Variants in CCDC73 observed in about 807,000 individuals in gnomAD.
CCDC73 encodes coiled-coil domain containing 73, also known as coiled-coil domain-containing protein 73.
CCDC73 carries 95 observed loss-of-function variants against 116.5 expected under a neutral mutation model. The ratio of observed to expected loss-of-function variants is 0.82; its 90% confidence interval spans 0.69 to 0.97. The LOEUF (loss-of-function observed/expected upper bound fraction) is 0.97, where lower values mean the gene tolerates loss of function less well. CCDC73 is among the 50% of genes least tolerant of loss of function. CCDC73 has a pLI of 0.00. For synonymous variants in CCDC73, 398 were observed against 401.3 expected (o/e 0.99, Z 0.10); for missense variants, 1,066 against 1,206.8 (o/e 0.88, Z 1.73).
intron 2 of CCDC73, among the ~76,000 whole-genome samples, chr11:32,741,543 A>C (rs1850186561): frequency 6.6e-6 from 1 of 151,390 alleles, no homozygotes; most frequent in African/African-American, 2.4e-5. Context: ...TATCTTTTTC[A>C]TCCCTTTATT....
In CCDC73 at chr11:32,693,354, G is replaced by C. The variant is rs150323197; in HGVS notation, c.390+5897C>G. ...ATTTAAGTTTCAACTTGGGGGGTTG[G>C]GAGAAATCACAAGTATCTTCATTGC... On this transcript the variant is annotated intron_variant, in intron 6 of 17. Coordinates refer to ENST00000335185, the MANE Select transcript of CCDC73 (RefSeq NM_001008391.4). Among the ~76,000 whole-genome samples, 27 of 152,272 alleles carry C rather than the reference G, an allele frequency of 1.8e-4. No individual in the cohort carries two copies. The East Asian group carries it at 4.8e-3, about 27-fold the overall frequency.
At chr11:32,759,994 T>C (rs999944416) in intron 2 of CCDC73, 115 bp downstream of exon 2, 7 of 813,796 alleles carry the variant, frequency 8.6e-6, no homozygotes, top group African/African-American at 7.0e-5. Flanking sequence ...AATTGGACTA[T>C]ATATTTTATT....
intron 12 of CCDC73, among the ~76,000 whole-genome samples, chr11:32,644,362 ATCAG>A (rs1855758627): frequency 6.6e-6 from 1 of 152,148 alleles, no homozygotes; most frequent in Admixed American, 6.5e-5. Flanking sequence ...AAAACTACCA[ATCAG>A]GTACTATACT....
intron 17 of CCDC73, among the ~76,000 whole-genome samples, chr11:32,606,789 T>A (rs1743108997): frequency 1.3e-5 from 2 of 149,786 alleles, no homozygotes; most frequent in East Asian, 1.9e-4. Context: ...AAGTTAAAAA[T>A]TCTATAAAAA....
intron 14 of CCDC73, among the ~76,000 whole-genome samples, chr11:32,624,191 T>G (rs1855548039): frequency 6.7e-6 from 1 of 149,742 alleles, no homozygotes; most frequent in African/African-American, 2.5e-5. Context: ...AAAAAAAAAA[T>G]TAACCAGGTG....
chr11:32,739,424 G>T (rs1373971027), intron 2 of CCDC73, among the ~76,000 whole-genome samples: 2 of 151,928 alleles, frequency 1.3e-5, no homozygotes, highest in Non-Finnish European at 2.9e-5. Flanking sequence ...CTTTGATTAA[G>T]TTATTCCTTA....
At chr11:32,782,289 G>A (rs1850590997) in intron 1 of CCDC73, among the ~76,000 whole-genome samples, 1 of 152,174 alleles carries the variant, frequency 6.6e-6, no homozygotes, top group Non-Finnish European at 1.5e-5. Context: ...GAATCATCCT[G>A]AAACCATCTT....
At chr11:32,653,301 AT>A in intron 11 of CCDC73, 74 bp from the exon 12 acceptor site, 1 of 922,848 alleles carries the variant, frequency 1.1e-6, no homozygotes, top group Non-Finnish European at 1.7e-6. Flanking sequence ...CTTCACATAC[AT>A]TTTCTAGTTT....
At chr11:32,813,269 T>C in the CCDC73 span, among the ~76,000 whole-genome samples, 1,709 of 152,282 alleles carry the variant, frequency 0.011, 30 homozygotes, top group African/African-American at 0.039. Flanking sequence ...TGTCATATAT[T>C]CTCGTATATT....
At chr11:32,651,411 C>A (rs768729777) in intron 12 of CCDC73, among the ~76,000 whole-genome samples, 1 of 152,200 alleles carries the variant, frequency 6.6e-6, no homozygotes, top group Non-Finnish European at 1.5e-5. Context: ...TGCACCTACA[C>A]CCCAACAAAA....
chr11:32,613,856 G>A lies in CCDC73; in HGVS notation c.2462C>T (p.Ala821Val), dbSNP rs1306298943. 2 of 1,613,340 alleles carry A rather than the reference G, an allele frequency of 1.2e-6. No homozygotes were observed. Among genetic ancestry groups the A allele is most frequent in the South Asian group, 2.2e-5 (2 of 91,046 alleles). ...AAAAAGGAAGAGGTCATTTTTTGTG[G>A]CTTCAGTTACCTGATTCTCATCAAT... Reference protein sequence around the residue: ...NQIDENQVTEATKNDLFLFVS... With the variant: ...NQIDENQVTEVTKNDLFLFVS... Residue 821 changes from alanine to valine, a missense_variant, in exon 16 of 18, where the codon GCC (alanine) becomes GTC (valine). Ala to Val is a moderately conservative substitution (Grantham distance 64). Transcript: ENST00000335185.
At chr11:32,629,497 T>C (rs1855608470) in intron 14 of CCDC73, among the ~76,000 whole-genome samples, 1 of 150,154 alleles carries the variant, frequency 6.7e-6, no homozygotes, top group African/African-American at 2.5e-5. Flanking sequence ...ACCTCCCGGG[T>C]TCAAGCGTTC....
intron 1 of CCDC73, among the ~76,000 whole-genome samples, chr11:32,791,887 C>T (rs955017716): frequency 2.0e-5 from 3 of 152,022 alleles, no homozygotes; most frequent in Non-Finnish European, 4.4e-5. Flanking sequence ...ATCACTTGAG[C>T]CCAGGAGGTG....
At chr11:32,822,588 AT>A in the CCDC73 span, among the ~76,000 whole-genome samples, 1 of 152,200 alleles carries the variant, frequency 6.6e-6, no homozygotes, top group African/African-American at 2.4e-5. Flanking sequence ...GAAAGCAATT[AT>A]GTTGAACCAT....
chr11:32,706,729 A>G (rs536870327), intron 3 of CCDC73, among the ~76,000 whole-genome samples: 101 of 152,284 alleles, frequency 6.6e-4, no homozygotes, highest in African/African-American at 2.4e-3. Flanking sequence ...GGGTATCTCA[A>G]ATAATCCACA....
chr11:32,733,284 C>A (rs1302161890), intron 2 of CCDC73, among the ~76,000 whole-genome samples: 1 of 152,106 alleles, frequency 6.6e-6, no homozygotes, highest in African/African-American at 2.4e-5. Flanking sequence ...CCTTAGAGAC[C>A]TACAAAGAGA....
chr11:32,794,003 C>A (rs139161743), intron 1 of CCDC73, among the ~76,000 whole-genome samples: 69 of 152,228 alleles, frequency 4.5e-4, no homozygotes, highest in Admixed American at 1.2e-3. Flanking sequence ...TCGTGCAAGG[C>A]AGTTTGGGAG....
chr11:32,762,798 G>A (rs1850403379), intron 1 of CCDC73, among the ~76,000 whole-genome samples: 1 of 152,108 alleles, frequency 6.6e-6, no homozygotes, highest in African/African-American at 2.4e-5. Flanking sequence ...AGCAGGGTGA[G>A]GCATCGCCTT....
rs116564368 is a variant in CCDC73 at position 32,720,389 on chromosome 11, A to T, written c.136-2242T>A. Among the ~76,000 whole-genome samples, 537 of 152,306 alleles carry T rather than the reference A, an allele frequency of 3.5e-3. 6 individuals carry two copies. Among genetic ancestry groups the T allele is most frequent in the African/African-American group, 0.012 (518 of 41,584 alleles). Reference sequence around the variant, plus strand: ...ATATTATCCTTGCTTTTTGTAAAGAACACTTACAAAAACCGTACACTTAGC... The same window carrying T: ...ATATTATCCTTGCTTTTTGTAAAGATCACTTACAAAAACCGTACACTTAGC... On this transcript the variant is annotated intron_variant, in intron 2 of 17. Transcript: ENST00000335185.
Sources: allele counts gnomAD v4.1 joint callset (sites outside exome capture counted in the v4.1 genomes callset), GRCh38; gene constraint gnomAD v4.1.1; transcripts MANE v1.5; gene names NCBI Gene and HGNC (gene_info 2026-07-23, HGNC 2026-07-21).